SFXN3: variants seen among roughly 807,000 people sequenced by gnomAD.
SFXN3 encodes sideroflexin 3.
In SFXN3, 31 loss-of-function variants were observed where a neutral mutation model predicts 40.4. That is an observed-to-expected ratio of 0.77 (90% CI 0.58 to 1.04). SFXN3 has a LOEUF of 1.04. Ranked by LOEUF, SFXN3 falls within the 50% of genes least tolerant of loss-of-function variation. The probability of loss-of-function intolerance (pLI) is 0.00; values close to 1 mark genes in which losing one functional copy is unlikely to be tolerated. For synonymous variants in SFXN3, 157 were observed against 160.0 expected, an observed-to-expected ratio of 0.98 and a Z score of 0.14; for missense variants, 366 against 408.2, an observed-to-expected ratio of 0.90 and a Z score of 0.89.
chr10:101,031,446 C>T (rs1938184200), exon 1 of SFXN3: 1 of 152,526 alleles, frequency 6.6e-6, no homozygotes, highest in Non-Finnish European at 1.5e-5. Flanking sequence ...CCTCCCTGGG[C>T]ACCCTTGAGG....
At chr10:101,038,188 AG>A in intron 9 of SFXN3, 12 of 779,974 alleles carry the variant, frequency 1.5e-5, no homozygotes, top group Non-Finnish European at 1.8e-5. Context: ...GCACTGCAGT[AG>A]GAGGGGCTTG....
chr10:101,033,006 C>A (rs1042252986), intron 2 of SFXN3, among the ~76,000 whole-genome samples: 1 of 152,124 alleles, frequency 6.6e-6, no homozygotes, highest in Non-Finnish European at 1.5e-5. Flanking sequence ...CCCTGCCTGG[C>A]CAGGGACCAG....
intron 9 of SFXN3, chr10:101,038,253 T>C: frequency 8.9e-7 from 1 of 1,122,422 alleles, no homozygotes; most frequent in Non-Finnish European, 1.1e-6. Context: ...TTGAGAAGAG[T>C]GCCGAGGAAG....
Position 101,038,621 on chromosome 10 carries a change from TTG to T in SFXN3, c.772-20_772-19del, listed in dbSNP as rs767141376. The T allele has an allele frequency of 6.2e-7, 1 of 1,613,858 alleles. No individual in the cohort carries two copies. Among genetic ancestry groups the T allele is most frequent in the Non-Finnish European group, 8.5e-7 (1 of 1,179,982 alleles). On this transcript the variant is annotated intron_variant, in intron 9 of 11. Coordinates refer to ENST00000393459, the Ensembl canonical transcript of SFXN3. ...GAGGCAGGGGACACAAGCCGTTCCA[TTG>T]TCTTTCTGTCTCTCCACAGCGCCGC...
rs3740498 is a variant in SFXN3 at position 101,039,606 on chromosome 10, C to G, written c.*21C>G. 24 of 1,605,666 alleles carry G rather than the reference C, an allele frequency of 1.5e-5. No individual in the cohort carries two copies. The East Asian group carries it at 5.1e-4, about 34-fold the overall frequency. On this transcript the variant is annotated 3_prime_UTR_variant, in exon 12 of 12. Coordinates refer to ENST00000393459, the Ensembl canonical transcript of SFXN3. The surrounding 1 kb of genome is among the most constrained non-coding windows in gnomAD (Gnocchi z 4.6). Reference sequence around the variant, plus strand: ...TTTGAGGAGGGTCAGCCTCTGTCCCCTCCCTCACTTCCTTGGGCTGCTGCT... The same window carrying G: ...TTTGAGGAGGGTCAGCCTCTGTCCCGTCCCTCACTTCCTTGGGCTGCTGCT...
chr10:101,032,587 G>A (rs1938333313), intron 2 of SFXN3, 105 bp downstream of exon 2: 4 of 1,314,636 alleles, frequency 3.0e-6, no homozygotes. Flanking sequence ...CCTCGGCTCT[G>A]TGGAGGTCCA....
intron 9 of SFXN3, chr10:101,037,891 G>A: frequency 9.7e-7 from 1 of 1,026,260 alleles, no homozygotes; most frequent in Non-Finnish European, 1.2e-6. Flanking sequence ...GCATGTTTTA[G>A]GGCTGAGGAG....
Position 101,039,764 on chromosome 10 carries a change from T to C in SFXN3, c.*179T>C. 3.3e-6 allele frequency: 2 copies of C among 614,254 alleles called. No individual in the cohort carries two copies. The highest frequency in any genetic ancestry group is 5.6e-5 in the Admixed American group (2 of 35,530). 38.1% of individuals were successfully genotyped at this position (614,254 alleles called of 1,614,324 possible). Reference sequence around the variant, plus strand: ...GGACCTCCATAAGGCTTTTCCTCCCTTCTCTGGTTTCAAAGATCAGAGCAC... The same window carrying C: ...GGACCTCCATAAGGCTTTTCCTCCCCTCTCTGGTTTCAAAGATCAGAGCAC... On this transcript the variant is annotated 3_prime_UTR_variant, in exon 12 of 12. Transcript: ENST00000393459. The surrounding 1 kb of genome is among the most constrained non-coding windows in gnomAD (Gnocchi z 4.6).
intron 2 of SFXN3, among the ~76,000 whole-genome samples, chr10:101,033,159 G>A (rs1409171507): frequency 2.6e-5 from 4 of 152,214 alleles, no homozygotes; most frequent in African/African-American, 9.6e-5. Flanking sequence ...TGGCCAGTAA[G>A]GCCTTGCTCT....
At chr10:101,035,927 C>G (rs758246861) in intron 4 of SFXN3, 76 bp from the exon 5 acceptor site, 12 of 1,397,310 alleles carry the variant, frequency 8.6e-6, no homozygotes, top group Non-Finnish European at 1.0e-6. Context: ...GGGGAATAAC[C>G]TTTGGTTTCA....
intron 8 of SFXN3, 74 bp from the exon 9 acceptor site, chr10:101,037,308 G>C: frequency 6.2e-7 from 1 of 1,613,932 alleles, no homozygotes. Context: ...AGCTTTGAGG[G>C]GGGTCACCCT....
At chr10:101,038,479 T>C (rs1334235861) in intron 9 of SFXN3, 164 bp from the exon 10 acceptor site, 50 of 1,484,154 alleles carry the variant, frequency 3.4e-5, no homozygotes, top group Non-Finnish European at 4.5e-5. Flanking sequence ...TGGAAGGGCG[T>C]GATCTGGAGG....
At chr10:101,038,205 T>G in intron 9 of SFXN3, 1 of 967,748 alleles carries the variant, frequency 1.0e-6, no homozygotes, top group Non-Finnish European at 1.3e-6. Flanking sequence ...GCTTGCACAT[T>G]TGAGGAACAG....
At chr10:101,038,584 T>C (rs372603954) in intron 9 of SFXN3, 59 bp from the exon 10 acceptor site, 2 of 1,613,050 alleles carry the variant, frequency 1.2e-6, no homozygotes, top group African/African-American at 1.3e-5. Context: ...GTGGGTGAAA[T>C]GGGGTGACAG....
chr10:101,032,876 C>T (rs1287815845), intron 2 of SFXN3, among the ~76,000 whole-genome samples: 3 of 152,172 alleles, frequency 2.0e-5, no homozygotes, highest in South Asian at 4.1e-4. Context: ...TTCTGCCCAA[C>T]TCAGCCAGAT....
intron 4 of SFXN3, 144 bp downstream of exon 4, chr10:101,035,811 C>G (rs1822876791): frequency 1.6e-6 from 2 of 1,233,314 alleles, no homozygotes; most frequent in African/African-American, 3.0e-5. Flanking sequence ...CTCAGGAGGT[C>G]TCTCACCCCA....
chr10:101,039,035 G>C lies in SFXN3; in HGVS notation c.822-140G>C. 1 of 747,892 alleles carries C rather than the reference G, an allele frequency of 1.3e-6. No homozygotes were observed. The highest frequency in any genetic ancestry group is 2.2e-6 in the Non-Finnish European group (1 of 445,942). The allele number at this position is 747,892 out of a possible 1,614,324, so 46.3% of individuals were successfully genotyped here. The stretch of plus-strand genomic sequence containing the variant: ...CCTCAGAACCTGATGTCCAGGTTGG[G>C]TTTACTATTCCTAAAAGGTCCTTTC... On this transcript the variant is annotated intron_variant, in intron 10 of 11. Transcript: ENST00000393459. This position sits in a 1 kb window ranked among gnomAD's most constrained non-coding sequence, Gnocchi z 4.6.
At chr10:101,031,632 G>C (rs1156704708) in intron 1 of SFXN3, 98 bp downstream of exon 1, 2 of 152,398 alleles carry the variant, frequency 1.3e-5, no homozygotes, top group African/African-American at 4.8e-5. Flanking sequence ...TTCTGGAATG[G>C]TCGCAGGGTG....
intron 10 of SFXN3, 102 bp downstream of exon 10, chr10:101,038,794 T>C (rs1590088969): frequency 6.5e-7 from 1 of 1,545,256 alleles, no homozygotes; most frequent in East Asian, 2.3e-5. Context: ...ACATCATCCA[T>C]TCATACATTC....
Sources: gnomAD v4.1 joint callset for allele counts (sites outside exome capture counted in the v4.1 genomes callset) on GRCh38, gnomAD v4.1.1 for gene constraint, Gnocchi (gnomAD v3.1) non-coding constraint, MANE v1.5 for transcripts, NCBI Gene and HGNC (gene_info 2026-07-23, HGNC 2026-07-21) for gene names.